The following EYA1 variants were observed in gnomAD, a reference collection of about 807,000 sequenced individuals.
The protein encoded by EYA1 is EYA transcriptional coactivator and phosphatase 1.
A neutral mutation model predicts 82.0 loss-of-function variants in EYA1; 16 were observed. The observed-to-expected ratio is 0.20, with a 90% CI of 0.13 to 0.30. The LOEUF (loss-of-function observed/expected upper bound fraction) is 0.30, where lower values mean the gene tolerates loss of function less well. EYA1 is among the 10% of genes least tolerant of loss of function. The pLI is 1.00. For missense variants in EYA1, 633 were observed against 730.7 expected (o/e 0.87, Z 1.54); for synonymous variants, 261 against 264.4 (o/e 0.99, Z 0.12).
chr8:71,269,193 A>T (rs1189754178), intron 11 of EYA1, among the ~76,000 whole-genome samples: 3 of 152,164 alleles, frequency 2.0e-5, no homozygotes, highest in African/African-American at 7.2e-5. Flanking sequence ...CTATAATACC[A>T]ATATAAGTAC....
intron 2 of EYA1, among the ~76,000 whole-genome samples, chr8:71,443,973 A>G (rs1806642155): frequency 6.6e-6 from 1 of 152,218 alleles, no homozygotes; most frequent in South Asian, 2.1e-4. Flanking sequence ...ACACATAATA[A>G]TTTGAGGTCA....
At chr8:71,313,526 T>C (rs76248556) in intron 7 of EYA1, among the ~76,000 whole-genome samples, 17 of 152,124 alleles carry the variant, frequency 1.1e-4, no homozygotes, top group Non-Finnish European at 1.5e-4. Context: ...AGCAGTAAAA[T>C]TGACAACAAT....
chr8:71,378,613 T>C (rs1828513856), intron 2 of EYA1, among the ~76,000 whole-genome samples: 1 of 152,186 alleles, frequency 6.6e-6, no homozygotes, highest in Admixed American at 6.5e-5. Flanking sequence ...TACTTCACAA[T>C]AACATGTAAG....
intron 1 of EYA1, among the ~76,000 whole-genome samples, chr8:71,544,317 A>C (rs544452037): frequency 2.6e-5 from 4 of 152,206 alleles, no homozygotes; most frequent in Non-Finnish European, 2.9e-5. Flanking sequence ...TCAAATTTCT[A>C]TCTAGGGCAG....
In EYA1 at chr8:71,265,168, T is replaced by A. The variant is rs572981164; in HGVS notation, c.1050+4572A>T. Among the ~76,000 whole-genome samples the A allele has an allele frequency of 4.6e-5, 5 of 108,630 alleles. No individual in the cohort carries two copies. In the South Asian group the frequency reaches 1.3e-3, roughly 27 times the overall value. 71.3% of individuals were successfully genotyped at this position (108,630 alleles called of 152,430 possible). The stretch of plus-strand genomic sequence containing the variant: ...AATTCAAGTTTTTGTTTTTGTTTTG[T>A]TTTTTTTTGATAGTGAAGCTTCACC... On this transcript the variant is annotated intron_variant, in intron 11 of 17. Transcript: ENST00000340726.
At chr8:71,231,247 A>G (rs368917327) in intron 12 of EYA1, among the ~76,000 whole-genome samples, 13 of 152,216 alleles carry the variant, frequency 8.5e-5, no homozygotes, top group African/African-American at 2.9e-4. Context: ...TGACTTTACA[A>G]TACAACTCAT....
chr8:71,479,518 T>C (rs1809950965), intron 2 of EYA1, among the ~76,000 whole-genome samples: 1 of 151,914 alleles, frequency 6.6e-6, no homozygotes, highest in Non-Finnish European at 1.5e-5. Flanking sequence ...ATTGTTTGTC[T>C]GTATTGCACA....
chr8:71,470,294 T>C (rs1385744026), intron 2 of EYA1, among the ~76,000 whole-genome samples: 1 of 152,132 alleles, frequency 6.6e-6, no homozygotes, highest in East Asian at 1.9e-4. Context: ...TGGCTTTTAC[T>C]TTAACCTCTG....
At chr8:71,495,583 G>A (rs1320756071) in intron 2 of EYA1, among the ~76,000 whole-genome samples, 5 of 152,176 alleles carry the variant, frequency 3.3e-5, no homozygotes, top group African/African-American at 1.2e-4. Flanking sequence ...CTGCACTCTA[G>A]CCTGGGCGAC....
intron 9 of EYA1, among the ~76,000 whole-genome samples, chr8:71,284,104 A>G (rs1329810441): frequency 6.6e-6 from 1 of 152,128 alleles, no homozygotes; most frequent in Admixed American, 6.5e-5. Context: ...TCACTTGTCA[A>G]TGAGGAGGCC....
At chr8:71,477,050 C>T (rs1809721430) in intron 2 of EYA1, among the ~76,000 whole-genome samples, 2 of 150,378 alleles carry the variant, frequency 1.3e-5, no homozygotes, top group South Asian at 4.2e-4. Context: ...TAGAACCCTA[C>T]AACACATCAA....
chr8:71,408,613 A>G (rs1354897382), intron 2 of EYA1, among the ~76,000 whole-genome samples: 106 of 85,830 alleles, frequency 1.2e-3, no homozygotes, highest in African/African-American at 5.3e-3. Context: ...ACAAAGATCA[A>G]AAGAGACAAA....
rs578079733 is a variant in EYA1, at chr8:71,218,982, C to T, written c.1141-1959G>A. 1.1e-3 allele frequency among the ~76,000 whole-genome samples: 167 copies of T among 152,266 alleles called. 1 individual carries two copies. The highest frequency in any genetic ancestry group is 2.0e-3 in the Non-Finnish European group (139 of 68,022). On this transcript the variant is annotated intron_variant, in intron 12 of 17. Transcript: ENST00000340726. Reference sequence around the variant, plus strand: ...AAGGAATCAAAACTGACCTGGAATTCCCTGGTTCCCTCTAAGGGTGGAAAG... The same window carrying T: ...AAGGAATCAAAACTGACCTGGAATTTCCTGGTTCCCTCTAAGGGTGGAAAG...
intron 4 of EYA1, among the ~76,000 whole-genome samples, chr8:71,330,392 T>C (rs775159718): frequency 3.9e-5 from 6 of 152,188 alleles, no homozygotes; most frequent in Non-Finnish European, 7.3e-5. Context: ...ATTATCCCCC[T>C]ACTTACCCAT....
chr8:71,267,432 G>A (rs1215774239), intron 11 of EYA1, among the ~76,000 whole-genome samples: 1 of 152,208 alleles, frequency 6.6e-6, no homozygotes, highest in African/African-American at 2.4e-5. Context: ...CTGGCTTTCT[G>A]AAGTTCTTCC....
chr8:71,461,997 A>T (rs931489679), intron 2 of EYA1, among the ~76,000 whole-genome samples: 1 of 152,008 alleles, frequency 6.6e-6, no homozygotes, highest in East Asian at 1.9e-4. Context: ...GAGGAAGTGC[A>T]TGCTGCTTGG....
chr8:71,201,714 A>G (rs1310776206), intron 17 of EYA1, among the ~76,000 whole-genome samples: 4 of 152,118 alleles, frequency 2.6e-5, no homozygotes, highest in Non-Finnish European at 4.4e-5. Flanking sequence ...CATCCTACTC[A>G]TTTTACTACT....
intron 2 of EYA1, among the ~76,000 whole-genome samples, chr8:71,406,551 G>C (rs1243835734): frequency 6.6e-6 from 1 of 152,222 alleles, no homozygotes; most frequent in Admixed American, 6.5e-5. Context: ...GTGAGGCATT[G>C]CCTCCCTTGG....
intron 12 of EYA1, among the ~76,000 whole-genome samples, chr8:71,242,424 C>T (rs1306419815): frequency 1.3e-5 from 2 of 152,030 alleles, no homozygotes; most frequent in African/African-American, 2.4e-5. Flanking sequence ...TTGAATTATA[C>T]CTTCATTCTC....
Sources: gnomAD v4.1 joint callset for allele counts (sites outside exome capture counted in the v4.1 genomes callset) on GRCh38, gnomAD v4.1.1 for gene constraint, MANE v1.5 for transcripts, NCBI Gene and HGNC (gene_info 2026-07-23, HGNC 2026-07-21) for gene names.